EIPR1: variants seen among roughly 807,000 people sequenced by gnomAD.
EIPR1 encodes EARP complex and GARP complex interacting protein 1.
In EIPR1, 25 loss-of-function variants were observed where a neutral mutation model predicts 48.1. That is an observed-to-expected ratio of 0.52 (90% CI 0.38 to 0.73). EIPR1 has a LOEUF of 0.73. Among genes scored for constraint, EIPR1 ranks in the 30% least tolerant of loss-of-function variants. The pLI is 0.00. For synonymous variants in EIPR1, 204 were observed against 201.9 expected, an observed-to-expected ratio of 1.01 and a Z score of -0.09; for missense variants, 415 against 506.2, an observed-to-expected ratio of 0.82 and a Z score of 1.73.
At chr2:3,203,525 G>A (rs375294984) in intron 5 of EIPR1, among the ~76,000 whole-genome samples, 3 of 152,376 alleles carry the variant, frequency 2.0e-5, no homozygotes, top group Non-Finnish European at 2.9e-5. Context: ...AGGAGAGCCC[G>A]CAGTCGGGGC....
intron 4 of EIPR1, among the ~76,000 whole-genome samples, chr2:3,218,487 C>G (rs566820572): frequency 9.4e-5 from 14 of 149,010 alleles, no homozygotes; most frequent in African/African-American, 3.0e-4. Flanking sequence ...CAGGTGCACA[C>G]CCAGCAGGGC....
At chr2:3,208,231 G>C (rs1391639484) in intron 5 of EIPR1, 3 of 327,588 alleles carry the variant, frequency 9.2e-6, no homozygotes, top group Non-Finnish European at 1.7e-5. Flanking sequence ...ATGCTCATAG[G>C]ACAAAATGTT....
At chr2:3,326,743 C>T (rs1418186282) in intron 3 of EIPR1, among the ~76,000 whole-genome samples, 1 of 152,218 alleles carries the variant, frequency 6.6e-6, no homozygotes, top group Non-Finnish European at 1.5e-5. Context: ...CATTCTCTTA[C>T]GTTTCCTCCT....
intron 5 of EIPR1, among the ~76,000 whole-genome samples, chr2:3,199,061 G>GCCCCC (rs1334678710): frequency 1.2e-3 from 26 of 22,446 alleles, no homozygotes; most frequent in African/African-American, 1.7e-3. Flanking sequence ...ATTTTAGAGG[G>GCCCCC]CCCCCCCCCC....
chr2:3,330,813 C>A (rs1008739123), intron 3 of EIPR1, among the ~76,000 whole-genome samples: 22 of 139,346 alleles, frequency 1.6e-4, no homozygotes, highest in African/African-American at 5.8e-4. Flanking sequence ...TGAGCAGAGA[C>A]AGGCACGTGT....
In EIPR1 at chr2:3,189,337, T is replaced by G; in HGVS notation, c.1161A>C (p.Leu387=). The G allele has an allele frequency of 2.5e-6, 4 of 1,582,146 alleles. No homozygotes were observed. The highest frequency in any genetic ancestry group is 3.5e-6 in the Non-Finnish European group (4 of 1,157,240). The part of the protein sequence containing the change: ...VPRALKYHIL[L] ...CTGGATAACCCAGGCCCGGGAGTCA[T>G]AGCAGGATGTGGTACTTCAGGGCCC... The change falls in exon 9 of 9, where the codon CTA becomes CTC. Residue 387 remains leucine (L), a synonymous_variant. Transcript: ENST00000382125. The surrounding 1 kb of genome is among the most constrained non-coding windows in gnomAD (Gnocchi z 4.6).
chr2:3,353,149 C>G, intron 2 of EIPR1: 1 of 438,014 alleles, frequency 2.3e-6, no homozygotes, highest in East Asian at 7.1e-5. Context: ...ATACCTTAAA[C>G]TTTACCTATA....
chr2:3,272,382 G>A (rs1317321761), intron 3 of EIPR1, among the ~76,000 whole-genome samples: 2 of 152,240 alleles, frequency 1.3e-5, no homozygotes, highest in African/African-American at 4.8e-5. Flanking sequence ...GCTTTTGGCT[G>A]AAACTTGCCT....
At chr2:3,229,435 C>T (rs1046789138) in intron 4 of EIPR1, among the ~76,000 whole-genome samples, 4 of 152,244 alleles carry the variant, frequency 2.6e-5, no homozygotes, top group Non-Finnish European at 5.9e-5. Flanking sequence ...GCAATACAGA[C>T]TCATTCTGGC....
At chr2:3,376,784 T>C (rs1659898660) in intron 1 of EIPR1, among the ~76,000 whole-genome samples, 1 of 152,166 alleles carries the variant, frequency 6.6e-6, no homozygotes, top group African/African-American at 2.4e-5. Context: ...CAGTGAACTG[T>C]GTTTCTATCT....
intron 3 of EIPR1, chr2:3,318,796 G>A (rs1258042981): frequency 3.5e-5 from 16 of 460,622 alleles, no homozygotes; most frequent in Admixed American, 2.9e-4. Context: ...CTCCTCGATC[G>A]CCACACATGC....
chr2:3,313,383 G>T (rs549859158), intron 3 of EIPR1, among the ~76,000 whole-genome samples: 1 of 151,998 alleles, frequency 6.6e-6, no homozygotes, highest in Non-Finnish European at 1.5e-5. Context: ...GGGTGGGGGG[G>T]TTCAAGGCGC....
intron 2 of EIPR1, among the ~76,000 whole-genome samples, chr2:3,349,019 C>T (rs778634908): frequency 2.6e-5 from 4 of 152,220 alleles, no homozygotes; most frequent in Non-Finnish European, 4.4e-5. Context: ...TCCTGATTTT[C>T]AGGACATCTC....
At chr2:3,218,505 T>C (rs527801998) in intron 4 of EIPR1, among the ~76,000 whole-genome samples, 42 of 87,968 alleles carry the variant, frequency 4.8e-4, no homozygotes, top group Middle Eastern at 0.013. Flanking sequence ...GGCCCTGGTA[T>C]ACTCTAGAGC....
chr2:3,328,867 G>A (rs1177170929), intron 3 of EIPR1, among the ~76,000 whole-genome samples: 1 of 133,322 alleles, frequency 7.5e-6, no homozygotes, highest in Non-Finnish European at 1.6e-5. Flanking sequence ...CTGAATCAGA[G>A]CCCACCCACC....
chr2:3,198,587 G>T (rs544483576), intron 5 of EIPR1, among the ~76,000 whole-genome samples: 83 of 152,298 alleles, frequency 5.4e-4, no homozygotes, highest in Non-Finnish European at 1.0e-3. Flanking sequence ...TTTTCCCTGT[G>T]TCGGTCGGTC....
At chr2:3,199,365 G>T (rs183947701) in intron 5 of EIPR1, among the ~76,000 whole-genome samples, 1 of 152,118 alleles carries the variant, frequency 6.6e-6, no homozygotes, top group African/African-American at 2.4e-5. Flanking sequence ...CTCAGCTTAC[G>T]AAGATGACGG....
chr2:3,344,480 T>G (rs573423316), intron 2 of EIPR1, among the ~76,000 whole-genome samples: 1 of 152,306 alleles, frequency 6.6e-6, no homozygotes, highest in East Asian at 1.9e-4. Context: ...GTTTCTCATT[T>G]GGATTCTGCC....
Position 3,377,578 on chromosome 2 carries a change from G to A in EIPR1, c.42+70C>T, listed in dbSNP as rs566219051. 48 of 1,539,428 alleles carry A rather than the reference G, an allele frequency of 3.1e-5. No individual in the cohort carries two copies. The African/African-American group carries it at 6.0e-4, about 19-fold the overall frequency. The stretch of plus-strand genomic sequence containing the variant: ...GCTGGTGGGAGATCTGCAAACCGAA[G>A]TCACCATGGGACCGCGCATGCTATC... On this transcript the variant is annotated intron_variant, in intron 1 of 8. Transcript: ENST00000382125.
Sources: allele counts gnomAD v4.1 joint callset (sites outside exome capture counted in the v4.1 genomes callset), GRCh38; gene constraint gnomAD v4.1.1; non-coding constraint Gnocchi (gnomAD v3.1); transcripts MANE v1.5; gene names NCBI Gene and HGNC (gene_info 2026-07-23, HGNC 2026-07-21).